TMTC2: variants seen among roughly 807,000 people sequenced by gnomAD.
TMTC2 encodes protein O-mannosyl-transferase TMTC2.
In TMTC2, 43 loss-of-function variants were observed where a neutral mutation model predicts 82.4. The observed-to-expected ratio is 0.52, with a 90% confidence interval of 0.41 to 0.67. The LOEUF is 0.67. TMTC2 is among the 30% of genes least tolerant of loss of function. TMTC2 has a pLI of 0.00. For missense variants in TMTC2, 919 were observed against 1,012.4 expected (o/e 0.91, Z 1.25); for synonymous variants, 408 against 381.9 (o/e 1.07, Z -0.80).
intron 3 of TMTC2, among the ~76,000 whole-genome samples, chr12:82,898,928 G>A (rs1039003727): frequency 1.3e-5 from 2 of 152,136 alleles, no homozygotes; most frequent in Non-Finnish European, 1.5e-5. Context: ...AAGTGAAAAC[G>A]TTTTGTAACG....
chr12:83,011,289 A>G (rs1199061068), intron 8 of TMTC2, among the ~76,000 whole-genome samples: 1 of 152,114 alleles, frequency 6.6e-6, no homozygotes, highest in Non-Finnish European at 1.5e-5. Flanking sequence ...TTGTTCAACT[A>G]CTTATTAGCT....
At chr12:83,061,082 G>A (rs921774210) in intron 10 of TMTC2, among the ~76,000 whole-genome samples, 6 of 151,756 alleles carry the variant, frequency 4.0e-5, no homozygotes, top group African/African-American at 1.4e-4. Context: ...TACAGGAAGA[G>A]TCTGGCTAGT....
intron 1 of TMTC2, among the ~76,000 whole-genome samples, chr12:82,761,715 AG>A (rs1876643341): frequency 6.6e-6 from 1 of 152,088 alleles, no homozygotes; most frequent in African/African-American, 2.4e-5. Flanking sequence ...CATTAATGCT[AG>A]TGCTGTGTAC....
chr12:82,937,784 A>ATACATATATATATATATATATATATG (rs1876451299), intron 4 of TMTC2, among the ~76,000 whole-genome samples: 1 of 24,224 alleles, frequency 4.1e-5, no homozygotes, highest in Non-Finnish European at 9.5e-5. Context: ...ATATATATAT[A>ATACATATATATATATATATATATATG]TATATATATA....
chr12:83,094,667 A>G (rs1420729526), intron 11 of TMTC2, among the ~76,000 whole-genome samples: 1 of 152,196 alleles, frequency 6.6e-6, no homozygotes, highest in Admixed American at 6.5e-5. Context: ...AGGGAAGAAA[A>G]GGTATATTTG....
At chr12:82,810,830 G>T (rs1200668695) in intron 1 of TMTC2, among the ~76,000 whole-genome samples, 1 of 152,080 alleles carries the variant, frequency 6.6e-6, no homozygotes, top group African/African-American at 2.4e-5. Context: ...CCTTAGCTGG[G>T]CACTTCTCTT....
intron 2 of TMTC2, among the ~76,000 whole-genome samples, chr12:82,865,390 A>G (rs568186241): frequency 6.6e-6 from 1 of 152,238 alleles, no homozygotes; most frequent in Non-Finnish European, 1.5e-5. Flanking sequence ...GCTTTAAACC[A>G]ACAAAGATCA....
At chr12:82,970,253 G>T (rs577627269) in intron 7 of TMTC2, among the ~76,000 whole-genome samples, 1 of 152,322 alleles carries the variant, frequency 6.6e-6, no homozygotes, top group Admixed American at 6.5e-5. Context: ...TGATAAAAAA[G>T]GTAAAACATA....
At chr12:82,996,238 A>G (rs1227333475) in intron 8 of TMTC2, among the ~76,000 whole-genome samples, 6 of 152,192 alleles carry the variant, frequency 3.9e-5, no homozygotes, top group Non-Finnish European at 5.9e-5. Flanking sequence ...TGATGTATAT[A>G]GTTTTCCTCA....
intron 1 of TMTC2, among the ~76,000 whole-genome samples, chr12:82,790,138 G>A (rs1283571371): frequency 6.7e-6 from 1 of 149,110 alleles, no homozygotes; most frequent in Non-Finnish European, 1.5e-5. Context: ...CAGGTTCCTT[G>A]CACCATACAC....
chr12:82,932,751 C>T (rs1479706514), intron 4 of TMTC2, among the ~76,000 whole-genome samples: 1 of 152,086 alleles, frequency 6.6e-6, no homozygotes, highest in Non-Finnish European at 1.5e-5. Context: ...GGAAACTGAA[C>T]AATGAACACC....
chr12:82,693,352 C>A lies in TMTC2; in HGVS notation c.83+5683C>A, dbSNP rs1223999254. Among the ~76,000 whole-genome samples the A allele has an allele frequency of 2.6e-5, 4 of 152,130 alleles. No individual in the cohort carries two copies. The East Asian group carries it at 7.7e-4, about 29-fold the overall frequency. ...ATTCATGATTGGTACTTTGGCCTGGCCTTATTTTGGGTCTGTACTTACTGG... is the reference window on the plus strand; with the variant it reads ...ATTCATGATTGGTACTTTGGCCTGGACTTATTTTGGGTCTGTACTTACTGG... On this transcript the variant is annotated intron_variant, in intron 1 of 11. Coordinates refer to ENST00000321196, the MANE Select transcript of TMTC2 (RefSeq NM_152588.3).
intron 4 of TMTC2, among the ~76,000 whole-genome samples, chr12:82,945,065 C>T (rs1876925953): frequency 6.6e-6 from 1 of 152,194 alleles, no homozygotes; most frequent in Non-Finnish European, 1.5e-5. Context: ...TGATTTCACA[C>T]TCATTCCTCT....
rs1437531127 is a variant in TMTC2, at chr12:82,759,000, A to T, written c.83+71331A>T. On this transcript the variant is annotated intron_variant, in intron 1 of 11. Coordinates refer to ENST00000321196, the MANE Select transcript of TMTC2 (RefSeq NM_152588.3). ...TACTGCACAAGCTTCATATGACCTT[A>T]ATTTCCGAGCATCAGTTTCATCATT... The T allele has an allele frequency of 3.3e-5, 5 of 152,118 alleles. No homozygotes were observed. The East Asian group carries it at 9.6e-4, about 29-fold the overall frequency. 9.4% of individuals were successfully genotyped at this position (152,118 alleles called of 1,614,324 possible).
chr12:82,763,333 A>C (rs1209673727), intron 1 of TMTC2, among the ~76,000 whole-genome samples: 1 of 152,226 alleles, frequency 6.6e-6, no homozygotes, highest in Non-Finnish European at 1.5e-5. Context: ...AGAACCCTCT[A>C]GATCAGTTCT....
At position 83,133,145 on chromosome 12, in the gene TMTC2, C is replaced by G. The variant is rs1275048135; in HGVS notation, c.*756C>G. 1.3e-5 allele frequency: 2 copies of G among 152,074 alleles called. No individual in the cohort carries two copies. The highest frequency in any genetic ancestry group is 3.9e-4 in the East Asian group (2 of 5,184). 9.4% of individuals were successfully genotyped at this position (152,074 alleles called of 1,614,324 possible). A position where few individuals can be genotyped will look rare whatever the true frequency, so the allele number is the denominator to read the frequency against. ...GCAGGCATTTTTTAAATTTTAATAT[C>G]GTCAATATTTTCCCCCAAACTGCCC... On this transcript the variant is annotated 3_prime_UTR_variant, in exon 12 of 12. Coordinates refer to ENST00000321196, the MANE Select transcript of TMTC2 (RefSeq NM_152588.3).
intron 2 of TMTC2, among the ~76,000 whole-genome samples, chr12:82,881,324 T>G (rs1476586607): frequency 1.3e-5 from 2 of 152,236 alleles, no homozygotes; most frequent in Non-Finnish European, 2.9e-5. Flanking sequence ...TTTCAAAATC[T>G]TACCGTGAAT....
chr12:82,904,293 A>C (rs1874176926), intron 3 of TMTC2, among the ~76,000 whole-genome samples: 2 of 152,166 alleles, frequency 1.3e-5, no homozygotes, highest in South Asian at 4.1e-4. Context: ...GGAATACTTC[A>C]GTCTACCATG....
At chr12:82,764,897 G>T (rs116021256) in intron 1 of TMTC2, among the ~76,000 whole-genome samples, 2,116 of 147,454 alleles carry the variant, frequency 0.014, 52 homozygotes, top group African/African-American at 0.049. Flanking sequence ...AAAATGCAGG[G>T]AATCTGCATT....
Sources: allele counts gnomAD v4.1 joint callset (sites outside exome capture counted in the v4.1 genomes callset), GRCh38; gene constraint gnomAD v4.1.1; transcripts MANE v1.5; gene names NCBI Gene and HGNC (gene_info 2026-07-23, HGNC 2026-07-21).